FSTL5: variants seen among roughly 807,000 people sequenced by gnomAD.
The protein encoded by FSTL5 is follistatin like 5.
FSTL5 carries 62 observed loss-of-function variants against 89.1 expected under a neutral mutation model. The observed-to-expected ratio is 0.70, with a 90% CI of 0.57 to 0.86. The LOEUF is 0.86. Among genes scored for constraint, FSTL5 ranks in the 40% least tolerant of loss-of-function variants. The pLI is 0.00. For synonymous variants in FSTL5, 383 were observed against 346.2 expected (o/e 1.11, Z -1.18); for missense variants, 1,057 against 1,001.6 (o/e 1.06, Z -0.75).
chr4:161,667,562 C>T (rs1348539368), intron 6 of FSTL5, among the ~76,000 whole-genome samples: 1 of 152,048 alleles, frequency 6.6e-6, no homozygotes, highest in Admixed American at 6.5e-5. Flanking sequence ...AATCTCATTA[C>T]AAGTGAGTTA....
At chr4:161,580,244 T>G (rs1733385971) in intron 8 of FSTL5, among the ~76,000 whole-genome samples, 1 of 152,196 alleles carries the variant, frequency 6.6e-6, no homozygotes, top group Non-Finnish European at 1.5e-5. Flanking sequence ...TTTGAGGCTT[T>G]GAAGTTAACG....
Position 161,742,808 on chromosome 4 carries a change from A to G in FSTL5, c.727+16603T>C, listed in dbSNP as rs116324593. On this transcript the variant is annotated intron_variant, in intron 6 of 15. Coordinates refer to ENST00000306100, the MANE Select transcript of FSTL5 (RefSeq NM_020116.5). Reference sequence around the variant, plus strand: ...ATCCTAATGGTGTTTTTGCAGAAATAGAAAAAATAACAATAAAAGCCGATG... The same window carrying G: ...ATCCTAATGGTGTTTTTGCAGAAATGGAAAAAATAACAATAAAAGCCGATG... Among the ~76,000 whole-genome samples the G allele has an allele frequency of 3.0e-3, 456 of 152,350 alleles. 2 individuals carry two copies. Among genetic ancestry groups the G allele is most frequent in the African/African-American group, 0.01 (425 of 41,586 alleles).
At chr4:161,654,474 T>C (rs900148611) in intron 7 of FSTL5, among the ~76,000 whole-genome samples, 1 of 152,140 alleles carries the variant, frequency 6.6e-6, no homozygotes, top group African/African-American at 2.4e-5. Flanking sequence ...ACCTGAGATA[T>C]GTGCTCAATG....
intron 3 of FSTL5, among the ~76,000 whole-genome samples, chr4:161,976,763 G>A (rs1002177731): frequency 2.0e-5 from 3 of 152,110 alleles, no homozygotes; most frequent in Non-Finnish European, 4.4e-5. Flanking sequence ...TTACAGGCGT[G>A]AGCCATCGCG....
intron 7 of FSTL5, among the ~76,000 whole-genome samples, chr4:161,598,964 G>T (rs901617526): frequency 1.3e-5 from 2 of 151,730 alleles, no homozygotes; most frequent in Admixed American, 6.6e-5. Flanking sequence ...ACAAAATGAA[G>T]AAATCATTTT....
At chr4:162,011,956 G>A (rs1317086455) in intron 3 of FSTL5, among the ~76,000 whole-genome samples, 5 of 152,132 alleles carry the variant, frequency 3.3e-5, no homozygotes, top group East Asian at 1.9e-4. Context: ...CTCTCTGTGC[G>A]TGTTTTTGAC....
chr4:162,115,682 C>T (rs1731609477), intron 1 of FSTL5, among the ~76,000 whole-genome samples: 1 of 152,172 alleles, frequency 6.6e-6, no homozygotes, highest in Admixed American at 6.5e-5. Context: ...CTAAAAGTAT[C>T]TGCCTAACTT....
chr4:161,847,427 T>C (rs1255492342), intron 4 of FSTL5, among the ~76,000 whole-genome samples: 2 of 152,160 alleles, frequency 1.3e-5, no homozygotes, highest in Non-Finnish European at 1.5e-5. Flanking sequence ...GTTGGTTAAG[T>C]AATTTGCTCA....
chr4:161,437,748 A>G (rs1403548581), intron 15 of FSTL5, among the ~76,000 whole-genome samples: 4 of 152,064 alleles, frequency 2.6e-5, no homozygotes. Context: ...ATTGTTAGCA[A>G]TTGGGAATTT....
intron 1 of FSTL5, among the ~76,000 whole-genome samples, chr4:162,138,779 GAAGA>G (rs1238464939): frequency 5.9e-5 from 9 of 152,028 alleles, no homozygotes; most frequent in Admixed American, 2.6e-4. Flanking sequence ...TGAAACAAAA[GAAGA>G]AAGAGAAATC....
intron 10 of FSTL5, among the ~76,000 whole-genome samples, chr4:161,536,639 T>C (rs2126537473): frequency 6.6e-6 from 1 of 152,274 alleles, no homozygotes; most frequent in Middle Eastern, 3.4e-3. Context: ...TTCAACAAGA[T>C]TAAACCTTGT....
At chr4:161,813,630 C>T (rs1042931688) in intron 4 of FSTL5, among the ~76,000 whole-genome samples, 1 of 152,186 alleles carries the variant, frequency 6.6e-6, no homozygotes, top group Admixed American at 6.5e-5. Flanking sequence ...TGTATCGCCA[C>T]AGGCTTACTT....
chr4:161,577,772 C>T (rs1733281748), intron 8 of FSTL5, among the ~76,000 whole-genome samples: 1 of 152,058 alleles, frequency 6.6e-6, no homozygotes, highest in Non-Finnish European at 1.5e-5. Flanking sequence ...CTACGGAAAC[C>T]ACTACAATCA....
chr4:161,632,366 T>C, intron 7 of FSTL5, among the ~76,000 whole-genome samples: 1 of 151,976 alleles, frequency 6.6e-6, no homozygotes, highest in East Asian at 1.9e-4. Flanking sequence ...GGCGACAGAC[T>C]GAGACTCCGC....
At chr4:161,790,710 GA>G (rs1339399502) in intron 4 of FSTL5, among the ~76,000 whole-genome samples, 1 of 152,060 alleles carries the variant, frequency 6.6e-6, no homozygotes, top group African/African-American at 2.4e-5. Context: ...AGTTATTAAA[GA>G]AAAAAATTGC....
At chr4:162,119,052 T>C (rs1246394847) in intron 1 of FSTL5, among the ~76,000 whole-genome samples, 1 of 152,000 alleles carries the variant, frequency 6.6e-6, no homozygotes, top group African/African-American at 2.4e-5. Context: ...CAAGACCCCC[T>C]CTCTAAAAAA....
intron 7 of FSTL5, 51 bp downstream of exon 7, chr4:161,656,277 T>C (rs1736509652): frequency 2.0e-6 from 2 of 1,002,914 alleles, no homozygotes; most frequent in Non-Finnish European, 1.4e-6. Context: ...AAGTCTGGAG[T>C]ATATCACATG....
At chr4:162,080,297 A>T (rs1431340449) in intron 2 of FSTL5, among the ~76,000 whole-genome samples, 1 of 151,568 alleles carries the variant, frequency 6.6e-6, no homozygotes, top group East Asian at 1.9e-4. Flanking sequence ...TTCTGGCTTA[A>T]TGTATTTAAT....
chr4:162,152,206 G>A lies in FSTL5; in HGVS notation c.-17+11409C>T, dbSNP rs181607521. 2.0e-4 allele frequency among the ~76,000 whole-genome samples: 31 copies of A among 152,272 alleles called. No homozygotes were observed. In the East Asian group the frequency reaches 5.4e-3, roughly 27 times the overall value. On this transcript the variant is annotated intron_variant, in intron 1 of 15. Coordinates refer to ENST00000306100, the MANE Select transcript of FSTL5 (RefSeq NM_020116.5). ...TTGCAGAGGGTATTAATTTGAAATC[G>A]TTGTTGTCATGAATTGTAAAGAAGT...
Sources: allele counts gnomAD v4.1 joint callset (sites outside exome capture counted in the v4.1 genomes callset), GRCh38; gene constraint gnomAD v4.1.1; transcripts MANE v1.5; gene names NCBI Gene and HGNC (gene_info 2026-07-23, HGNC 2026-07-21).